The following UTP18 variants were observed in gnomAD, a reference collection of about 807,000 sequenced individuals.
UTP18 encodes the protein U3 small nucleolar RNA-associated protein 18 homolog.
Under a neutral mutation model 61.1 loss-of-function variants are expected in UTP18, and 36 were observed. The ratio of observed to expected loss-of-function variants is 0.59; its 90% confidence interval spans 0.45 to 0.78. UTP18 has a LOEUF of 0.78. Ranked by LOEUF, UTP18 falls within the 30% of genes least tolerant of loss-of-function variation. The pLI is 0.00. For missense variants in UTP18, 753 were observed against 693.9 expected (o/e 1.09, Z -0.96); for synonymous variants, 282 against 251.1 (o/e 1.12, Z -1.16).
rs756479587 is a variant in UTP18 at position 51,260,749 on chromosome 17, C to A, written c.165C>A (p.Ser55Arg). The stretch of plus-strand genomic sequence containing the variant: ...AGCGGAAACCGCCGGCCCGGCCGAG[C>A]GCGGCGGCCGCTGCGATTGCAGTCG... The part of the protein sequence containing the change: ...SSQRKPPARP[S>R]AAAAAIAVAA... Residue 55 changes from serine to arginine, a missense_variant, in exon 1 of 14, where the codon AGC (serine) becomes AGA (arginine). Transcript: ENST00000225298. 1 of 1,581,964 alleles carries A rather than the reference C, an allele frequency of 6.3e-7. No homozygotes were observed. Among genetic ancestry groups the A allele is most frequent in the Non-Finnish European group, 8.6e-7 (1 of 1,165,046 alleles).
At chr17:51,285,042 CAA>C (rs1016783244) in intron 9 of UTP18, among the ~76,000 whole-genome samples, 5 of 139,408 alleles carry the variant, frequency 3.6e-5, no homozygotes, top group African/African-American at 8.0e-5. Flanking sequence ...GCCTGGGCGA[CAA>C]GAGAAAAACT....
intron 11 of UTP18, among the ~76,000 whole-genome samples, chr17:51,291,738 C>CAAA (rs373296052): frequency 8.2e-5 from 8 of 97,090 alleles, no homozygotes; most frequent in Admixed American, 2.4e-4. Flanking sequence ...GACTTGATCT[C>CAAA]AAAAAAAAAA....
chr17:51,277,609 T>C (rs982582749), intron 7 of UTP18, among the ~76,000 whole-genome samples: 31 of 152,156 alleles, frequency 2.0e-4, no homozygotes, highest in Non-Finnish European at 4.1e-4. Flanking sequence ...GCATGAGCCA[T>C]GGAGCTAGAA....
At chr17:51,263,800 G>T (rs1453206412) in intron 2 of UTP18, among the ~76,000 whole-genome samples, 1 of 152,192 alleles carries the variant, frequency 6.6e-6, no homozygotes, top group Non-Finnish European at 1.5e-5. Flanking sequence ...CACAGTGCCT[G>T]AAACTGAGTA....
At chr17:51,285,103 C>A in intron 9 of UTP18, 142 bp from the exon 10 acceptor site, 1 of 784,312 alleles carries the variant, frequency 1.3e-6, no homozygotes, top group Non-Finnish European at 1.9e-6. Flanking sequence ...ATTCTTAGTC[C>A]AGTTTTCCAG....
Position 51,266,230 on chromosome 17 carries a change from T to C in UTP18, c.504T>C (p.Ala168=). Residue 168 remains alanine, a synonymous_variant, in exon 3 of 14, where the codon GCT becomes GCC. Coordinates refer to ENST00000225298, the MANE Select transcript of UTP18 (RefSeq NM_016001.3). Reference sequence around the variant, plus strand: ...TTCGGAAGGATATGATGAAAAATGCTAGTGAAAGTAAACTTTCGAAAGACA... The same window carrying C: ...TTCGGAAGGATATGATGAAAAATGCCAGTGAAAGTAAACTTTCGAAAGACA... The part of the protein sequence containing the change: ...NRFRKDMMKN[A]SESKLSKDNL... 1.2e-6 allele frequency: 2 copies of C among 1,600,968 alleles called. No individual in the cohort carries two copies. Among genetic ancestry groups the C allele is most frequent in the Non-Finnish European group, 1.7e-6 (2 of 1,175,820 alleles).
rs565668480 is a variant in UTP18, at chr17:51,292,337, T to C, written c.1504-1566T>C. 2.3e-4 allele frequency among the ~76,000 whole-genome samples: 35 copies of C among 152,376 alleles called. No homozygotes were observed. In the South Asian group the frequency reaches 4.8e-3, roughly 21 times the overall value. Reference sequence around the variant, plus strand: ...TCAAGACCACTTCTCATTAGCACCATTGCCTTCACATTGATGCCACGCTGT... The same window carrying C: ...TCAAGACCACTTCTCATTAGCACCACTGCCTTCACATTGATGCCACGCTGT... On this transcript the variant is annotated intron_variant, in intron 11 of 13. Transcript: ENST00000225298.
At chr17:51,270,538 T>G (rs1904494263) in intron 4 of UTP18, among the ~76,000 whole-genome samples, 1 of 152,200 alleles carries the variant, frequency 6.6e-6, no homozygotes, top group African/African-American at 2.4e-5. Context: ...CCAATTGAAG[T>G]TGGTTTTTTC....
At position 51,260,878 on chromosome 17, in the gene UTP18, C is replaced by T. The variant is rs971941776; in HGVS notation, c.294C>T (p.Asp98=). 3.7e-6 allele frequency: 6 copies of T among 1,600,872 alleles called. No individual in the cohort carries two copies. Among genetic ancestry groups the T allele is most frequent in the Non-Finnish European group, 5.1e-6 (6 of 1,174,856 alleles). Residue 98 remains aspartate (D), a synonymous_variant, in exon 1 of 14, where the codon GAC becomes GAT. Transcript: ENST00000225298. ...ERCLEELVFG[D]VENDEDALLR... is the part of the protein sequence containing the mutation. ...GCTTGGAGGAGCTGGTCTTCGGCGA[C>T]GTCGAGAACGACGAGGACGCGTTGC...
intron 11 of UTP18, chr17:51,288,731 A>G: frequency 2.4e-6 from 1 of 411,944 alleles, no homozygotes; most frequent in Non-Finnish European, 4.8e-6. Context: ...GACTTCCAGG[A>G]CTCTGCATAT....
chr17:51,294,262 A>G (rs1008025256), intron 12 of UTP18, among the ~76,000 whole-genome samples: 1 of 151,722 alleles, frequency 6.6e-6, no homozygotes, highest in African/African-American at 2.4e-5. Flanking sequence ...GGTTTGTTAC[A>G]TATGTATACA....
At chr17:51,296,928 C>G (rs1905382567) in intron 12 of UTP18, 37 bp from the exon 13 acceptor site, 1 of 1,592,556 alleles carries the variant, frequency 6.3e-7, no homozygotes. Flanking sequence ...TGGGTAATTA[C>G]AAAGTTGTTC....
chr17:51,285,231 G>A lies in UTP18; in HGVS notation c.1205-14G>A, dbSNP rs371998698. On this transcript the variant is annotated splice_polypyrimidine_tract_variant and intron_variant, in intron 9 of 13. Transcript: ENST00000225298. The stretch of plus-strand genomic sequence containing the variant: ...AGCAAAATTAACAACTCTTTTTTTC[G>A]CTCTTTTATGCAGGGGATGGAGAAG... The A allele has an allele frequency of 1.2e-6, 2 of 1,608,288 alleles. No homozygotes were observed. The highest frequency in any genetic ancestry group is 1.3e-5 in the African/African-American group (1 of 74,462).
rs761922239 is a variant in UTP18, at chr17:51,263,370, G to C, written c.439G>C (p.Asp147His). The C allele has an allele frequency of 6.2e-7, 1 of 1,614,040 alleles. No individual in the cohort carries two copies. Among genetic ancestry groups the C allele is most frequent in the Non-Finnish European group, 8.5e-7 (1 of 1,179,928 alleles). Residue 147 changes from aspartate (D) to histidine (H), a missense_variant, in exon 2 of 14, where the codon GAT (aspartate) becomes CAT (histidine). Physicochemically the swap from Asp to His is moderately conservative, Grantham distance 81. Transcript: ENST00000225298. The stretch of plus-strand genomic sequence containing the variant: ...GAAGCCAGTTTGGGTGGATGAAGAA[G>C]ATGAAGATGAGGAAATGTAAGTTGC... ...QKKPVWVDEE[D>H]EDEEMVDMMN...
At chr17:51,292,373 C>G (rs112244822) in intron 11 of UTP18, among the ~76,000 whole-genome samples, 1 of 152,242 alleles carries the variant, frequency 6.6e-6, no homozygotes, top group African/African-American at 2.4e-5. Flanking sequence ...GCAGGCAGAA[C>G]CTGCCTTCTG....
chr17:51,282,305 TTAA>T (rs1438814382), intron 9 of UTP18, among the ~76,000 whole-genome samples: 2 of 152,222 alleles, frequency 1.3e-5, no homozygotes, highest in Non-Finnish European at 2.9e-5. Context: ...TTAAAAAGGA[TTAA>T]TTTTAGCTTA....
intron 3 of UTP18, among the ~76,000 whole-genome samples, chr17:51,267,450 CTTTTTTTTTGGTTTT>C (rs2055572140): frequency 7.4e-6 from 1 of 134,930 alleles, no homozygotes; most frequent in South Asian, 2.7e-4. Flanking sequence ...AGTTCTAAAA[CTTTTTTTTTGGTTTT>C]TTTTTTTTTG....
At chr17:51,297,039 T>C (rs763953756) in intron 13 of UTP18, 36 bp downstream of exon 13, 3 of 1,566,676 alleles carry the variant, frequency 1.9e-6, no homozygotes. Flanking sequence ...TCTGCAGGTT[T>C]TAAGATACAC....
chr17:51,265,420 C>T (rs147110268), intron 2 of UTP18, among the ~76,000 whole-genome samples: 3 of 151,796 alleles, frequency 2.0e-5, no homozygotes, highest in African/African-American at 7.2e-5. Context: ...CCTGCCACCA[C>T]GCTGGACTAA....
Sources: gnomAD v4.1 joint callset for allele counts (sites outside exome capture counted in the v4.1 genomes callset) on GRCh38, gnomAD v4.1.1 for gene constraint, MANE v1.5 for transcripts, NCBI Gene and HGNC (gene_info 2026-07-23, HGNC 2026-07-21) for gene names.